The following ZNF718 variants were observed in gnomAD, a reference collection of about 807,000 sequenced individuals.
ZNF718 encodes the protein zinc finger protein 718.
In ZNF718, 3 loss-of-function variants were observed where a neutral mutation model predicts 2.6. That is an observed-to-expected ratio of 1.16 (90% CI 0.53 to 3.01). The LOEUF is 3.01. ZNF718 is among the 30% of genes most tolerant of loss of function. The pLI, the probability that ZNF718 is intolerant of heterozygous loss-of-function variation, is 0.03. For synonymous variants in ZNF718, 135 were observed against 77.9 expected, an observed-to-expected ratio of 1.73 and a Z score of -3.86; for missense variants, 468 against 230.0, an observed-to-expected ratio of 2.03 and a Z score of -6.69.
chr4:186,753 T>C (rs1717573372), intron 3 of ZNF718, among the ~76,000 whole-genome samples: 1 of 152,224 alleles, frequency 6.6e-6, no homozygotes, highest in Admixed American at 6.6e-5. Flanking sequence ...TTTTTTCAAC[T>C]TTATCAGGTC....
intron 3 of ZNF718, among the ~76,000 whole-genome samples, chr4:190,962 C>T (rs1553821100): frequency 6.6e-6 from 1 of 151,688 alleles, no homozygotes; most frequent in African/African-American, 2.4e-5. Context: ...TCACTTGGAC[C>T]CAGGAGGCAG....
intron 1 of ZNF718, among the ~76,000 whole-genome samples, chr4:128,219 G>A (rs1314696361): frequency 9.6e-6 from 1 of 103,812 alleles, no homozygotes; most frequent in Non-Finnish European, 2.1e-5. Context: ...AAAACTCACA[G>A]AAGACATTTT....
chr4:197,604 C>G (rs1553822230), intron 3 of ZNF718, among the ~76,000 whole-genome samples: 1 of 152,164 alleles, frequency 6.6e-6, no homozygotes, highest in Non-Finnish European at 1.5e-5. Context: ...GAGCTCCAAT[C>G]CAAGTGCTGC....
At chr4:151,642 T>TA (rs1716327954) in intron 3 of ZNF718, among the ~76,000 whole-genome samples, 1 of 151,960 alleles carries the variant, frequency 6.6e-6, no homozygotes, top group African/African-American at 2.4e-5. Flanking sequence ...CATCATGCCG[T>TA]ACTCATTTTG....
Position 189,057 on chromosome 4 carries a change from TTA to T in ZNF718, c.227-12022_227-12021del, listed in dbSNP as rs200799327. 3.1e-4 allele frequency among the ~76,000 whole-genome samples: 44 copies of T among 141,706 alleles called. 2 individuals carry two copies. Among genetic ancestry groups the T allele is most frequent in the African/African-American group, 7.5e-4 (28 of 37,328 alleles). 93.0% of individuals were successfully genotyped at this position (141,706 alleles called of 152,430 possible). On this transcript the variant is annotated intron_variant and NMD_transcript_variant, in intron 3 of 4. Transcript: ENST00000642529. ...TTGAAATTTACATTGAATCTGTAGA[TTA>T]TTTTTTTTTTTTTTTTTTGAGATGG... is the stretch of plus-strand genomic sequence containing the variant.
chr4:159,335 C>T (rs1436836796), intron 3 of ZNF718, among the ~76,000 whole-genome samples: 3 of 151,920 alleles, frequency 2.0e-5, no homozygotes, highest in East Asian at 1.9e-4. Context: ...TGTGCCTGGC[C>T]GAAGCTATTT....
intron 3 of ZNF718, among the ~76,000 whole-genome samples, chr4:144,159 G>A (rs116475535): frequency 0.018 from 2,672 of 152,190 alleles, 78 homozygotes; most frequent in African/African-American, 0.061. Flanking sequence ...ATTCTGTAAG[G>A]GGGCCTTCGA....
At chr4:152,301 G>A (rs1471651823) in intron 3 of ZNF718, among the ~76,000 whole-genome samples, 15 of 135,062 alleles carry the variant, frequency 1.1e-4, no homozygotes, top group African/African-American at 3.9e-4. Context: ...ACGGGTGTCG[G>A]GCTGGGGGAC....
intron 1 of ZNF718, among the ~76,000 whole-genome samples, chr4:126,321 G>A (rs1441995437): frequency 6.6e-6 from 1 of 152,176 alleles, no homozygotes; most frequent in Non-Finnish European, 1.5e-5. Flanking sequence ...TTTTCTTAAA[G>A]CATTTAGGTG....
chr4:131,492 A>G lies in ZNF718; in HGVS notation c.213A>G (p.Ala71=). 1 of 471,452 alleles carries G rather than the reference A, an allele frequency of 2.1e-6. No individual in the cohort carries two copies. The allele number at this position is 471,452 out of a possible 1,614,324, so 29.2% of individuals were successfully genotyped here. The part of the protein sequence containing the change: ...EPYNLKIHET[A]ARPPAVCSHF... ...ACAATTTGAAGATACATGAAACAGC[A>G]GCCAGACCCCCAGGTAGGTGAGAGT... The change falls in exon 3 of 4, where the codon GCA becomes GCG. Residue 71 remains alanine, a synonymous_variant. Transcript: ENST00000510175.
At chr4:187,792 G>A (rs1228230207) in intron 3 of ZNF718, among the ~76,000 whole-genome samples, 2 of 152,170 alleles carry the variant, frequency 1.3e-5, no homozygotes. Flanking sequence ...GGGGGGATTT[G>A]TTCAGCCCCC....
At chr4:150,677 A>G (rs1716276622) in intron 3 of ZNF718, among the ~76,000 whole-genome samples, 1 of 152,164 alleles carries the variant, frequency 6.6e-6, no homozygotes, top group African/African-American at 2.4e-5. Flanking sequence ...GATTCCATAT[A>G]TTGGCTATTA....
At position 154,217 on chromosome 4, in the gene ZNF718, T is replaced by A. The variant is rs1459430573; in HGVS notation, c.227-6695T>A. ...CATGGAACTGTGAGTCCATTAAACC[T>A]CTTTTTCTTTATAGATTATCCAATC... On this transcript the variant is annotated intron_variant, in intron 3 of 3. Coordinates refer to ENST00000510175, the MANE Select transcript of ZNF718 (RefSeq NM_001039127.6). Among the ~76,000 whole-genome samples, 3 of 152,230 alleles carry A rather than the reference T, an allele frequency of 2.0e-5. No individual in the cohort carries two copies. The East Asian group carries it at 5.8e-4, about 29-fold the overall frequency.
At chr4:143,425 A>G (rs1715900720) in intron 3 of ZNF718, among the ~76,000 whole-genome samples, 1 of 152,104 alleles carries the variant, frequency 6.6e-6, no homozygotes, top group Non-Finnish European at 1.5e-5. Context: ...TGACCTTGTG[A>G]TCCACCTGCC....
At chr4:146,862 T>C (rs572323566) in intron 3 of ZNF718, among the ~76,000 whole-genome samples, 49 of 152,202 alleles carry the variant, frequency 3.2e-4, no homozygotes, top group Admixed American at 7.8e-4. Context: ...AGCATATCTA[T>C]TTGGTTCTTT....
chr4:197,752 C>T (rs1232017236), intron 3 of ZNF718, among the ~76,000 whole-genome samples: 1 of 152,202 alleles, frequency 6.6e-6, no homozygotes, highest in East Asian at 1.9e-4. Flanking sequence ...GGAAAGCACT[C>T]ACTGACTTTT....
At chr4:151,063 T>C (rs568266370) in intron 3 of ZNF718, among the ~76,000 whole-genome samples, 1 of 152,312 alleles carries the variant, frequency 6.6e-6, no homozygotes, top group East Asian at 1.9e-4. Context: ...TTCTTTTCTA[T>C]ACAGTCTCAC....
intron 3 of ZNF718, among the ~76,000 whole-genome samples, chr4:191,859 TTC>T (rs1717699480): frequency 6.6e-6 from 1 of 152,224 alleles, no homozygotes; most frequent in Admixed American, 6.5e-5. Flanking sequence ...AAGACTTTTA[TTC>T]TCTGACCTGG....
chr4:161,472 G>C lies in ZNF718; in HGVS notation c.787G>C (p.Ala263Pro), dbSNP rs1553815128. 1 of 777,342 alleles carries C rather than the reference G, an allele frequency of 1.3e-6. No homozygotes were observed. The highest frequency in any genetic ancestry group is 1.7e-5 in the Admixed American group (1 of 58,950). The allele number at this position is 777,342 out of a possible 1,614,324, so 48.2% of individuals were successfully genotyped here. The part of the protein sequence containing the change: ...KPYICEKCGK[A>P]FNQSSTLNLH... ...CTACATATGTGAAAAATGTGGTAAAGCTTTTAACCAATCCTCAACCCTTAA... is the reference window on the plus strand; with the variant it reads ...CTACATATGTGAAAAATGTGGTAAACCTTTTAACCAATCCTCAACCCTTAA... The change falls in exon 4 of 4, where the codon GCT becomes CCT. Residue 263 changes from alanine to proline, a missense_variant. Physicochemically the swap from Ala to Pro is conservative, Grantham distance 27 (BLOSUM62 -1). Coordinates refer to ENST00000510175, the MANE Select transcript of ZNF718 (RefSeq NM_001039127.6).
Sources: allele counts gnomAD v4.1 joint callset (sites outside exome capture counted in the v4.1 genomes callset), GRCh38; gene constraint gnomAD v4.1.1; transcripts MANE v1.5; gene names NCBI Gene and HGNC (gene_info 2026-07-23, HGNC 2026-07-21).